The following NRG1 variants were observed in gnomAD, a reference collection of about 807,000 sequenced individuals.
NRG1 encodes pro-neuregulin-1, membrane-bound isoform.
In NRG1, 18 loss-of-function variants were observed where a neutral mutation model predicts 63.8. The observed-to-expected ratio is 0.28, with a 90% confidence interval of 0.19 to 0.42. The LOEUF (loss-of-function observed/expected upper bound fraction) is 0.42, where lower values mean the gene tolerates loss of function less well. Among genes scored for constraint, NRG1 ranks in the 10% least tolerant of loss-of-function variants. NRG1 has a pLI of 1.00. For missense variants in NRG1, 762 were observed against 814.7 expected (o/e 0.94, Z 0.79); for synonymous variants, 302 against 301.3 (o/e 1.00, Z -0.02).
At chr8:32,688,130 A>C (rs1443699790) in intron 5 of NRG1, among the ~76,000 whole-genome samples, 2 of 152,244 alleles carry the variant, frequency 1.3e-5, no homozygotes, top group East Asian at 3.8e-4. Flanking sequence ...GATGGTATAC[A>C]GAAAGGAAAA....
chr8:32,198,483 G>T (rs931630303), intron 1 of NRG1, among the ~76,000 whole-genome samples: 3 of 152,152 alleles, frequency 2.0e-5, no homozygotes, highest in Non-Finnish European at 4.4e-5. Context: ...TGGCCCAAGG[G>T]CATTGTTTTC....
At chr8:32,099,390 C>G (rs1245784954) in intron 1 of NRG1, 1 of 152,490 alleles carries the variant, frequency 6.6e-6, no homozygotes, top group East Asian at 1.9e-4. Flanking sequence ...CTCCTTTTCT[C>G]TAATTAGGAC....
chr8:32,091,702 A>G (rs1410201689), intron 1 of NRG1, among the ~76,000 whole-genome samples: 2 of 152,256 alleles, frequency 1.3e-5, no homozygotes, highest in Middle Eastern at 3.4e-3. Context: ...CAACTGATAG[A>G]GGATGGAAAC....
At chr8:31,819,202 T>G (rs1416442849) in intron 1 of NRG1, among the ~76,000 whole-genome samples, 2 of 121,468 alleles carry the variant, frequency 1.6e-5, no homozygotes, top group African/African-American at 5.4e-5. Flanking sequence ...TTGTGCTACT[T>G]ACACTCCAGC....
intron 1 of NRG1, among the ~76,000 whole-genome samples, chr8:31,691,664 A>G (rs2131131662): frequency 6.6e-6 from 1 of 151,866 alleles, no homozygotes; most frequent in Admixed American, 6.5e-5. Context: ...GTTTATAAAA[A>G]TAACCGTTAA....
At chr8:31,881,347 A>T (rs968482212) in intron 1 of NRG1, among the ~76,000 whole-genome samples, 1 of 152,150 alleles carries the variant, frequency 6.6e-6, no homozygotes, top group African/African-American at 2.4e-5. Context: ...AGCACAACAA[A>T]CCATGCCCAT....
intron 1 of NRG1, among the ~76,000 whole-genome samples, chr8:31,918,336 G>T (rs537934419): frequency 7.2e-4 from 110 of 152,284 alleles, no homozygotes; most frequent in African/African-American, 2.4e-3. Context: ...TTGGCTGTGG[G>T]TTTGTCATAG....
chr8:32,261,711 G>T (rs1249628077), intron 1 of NRG1, among the ~76,000 whole-genome samples: 1 of 152,068 alleles, frequency 6.6e-6, no homozygotes, highest in South Asian at 2.1e-4. Context: ...GGCCAGAAAA[G>T]ATTACCTTAG....
At chr8:31,877,163 G>A (rs1829993247) in intron 1 of NRG1, among the ~76,000 whole-genome samples, 1 of 151,996 alleles carries the variant, frequency 6.6e-6, no homozygotes, top group African/African-American at 2.4e-5. Context: ...TATTTATTTT[G>A]GAATAAGAAG....
At chr8:32,573,873 A>G (rs1045062094) in intron 1 of NRG1, among the ~76,000 whole-genome samples, 12 of 152,122 alleles carry the variant, frequency 7.9e-5, no homozygotes, top group African/African-American at 2.7e-4. Flanking sequence ...TCATTGTTCA[A>G]TTCCCACCTA....
intron 1 of NRG1, among the ~76,000 whole-genome samples, chr8:32,031,896 A>C (rs977743763): frequency 6.6e-6 from 1 of 152,100 alleles, no homozygotes; most frequent in African/African-American, 2.4e-5. Flanking sequence ...TGTCTTTGCT[A>C]TCGTGACTAG....
chr8:32,377,457 A>G (rs1285867514), intron 1 of NRG1, among the ~76,000 whole-genome samples: 2 of 152,206 alleles, frequency 1.3e-5, no homozygotes, highest in African/African-American at 4.8e-5. Flanking sequence ...CCCCTGTGGG[A>G]CCTTTGGGGA....
intron 1 of NRG1, among the ~76,000 whole-genome samples, chr8:32,183,494 G>A (rs1841648419): frequency 1.3e-5 from 2 of 152,170 alleles, no homozygotes; most frequent in African/African-American, 4.8e-5. Flanking sequence ...AAGTCAAATC[G>A]ATAGTGACAG....
chr8:32,300,807 A>C (rs1855494892), intron 1 of NRG1, among the ~76,000 whole-genome samples: 2 of 152,232 alleles, frequency 1.3e-5, no homozygotes, highest in Admixed American at 6.5e-5. Flanking sequence ...GTTGTTTTCG[A>C]GTCACAGAGA....
intron 1 of NRG1, among the ~76,000 whole-genome samples, chr8:32,540,860 A>G (rs1269636840): frequency 6.6e-6 from 1 of 152,038 alleles, no homozygotes; most frequent in Non-Finnish European, 1.5e-5. Flanking sequence ...GGCAGGAAAA[A>G]CAACATTTTC....
At chr8:31,766,217 C>A (rs1262201896) in intron 1 of NRG1, among the ~76,000 whole-genome samples, 2 of 151,814 alleles carry the variant, frequency 1.3e-5, no homozygotes, top group African/African-American at 4.8e-5. Context: ...ATCTATTAGA[C>A]CTTGAAAGAT....
chr8:32,713,203 A>G (rs1355975736), intron 5 of NRG1, among the ~76,000 whole-genome samples: 4 of 152,116 alleles, frequency 2.6e-5, no homozygotes, highest in African/African-American at 7.2e-5. Flanking sequence ...TGCTGCTATG[A>G]TAGTCCTATA....
intron 1 of NRG1, among the ~76,000 whole-genome samples, chr8:32,238,349 C>A (rs1847779170): frequency 6.6e-6 from 1 of 151,390 alleles, no homozygotes. Flanking sequence ...GTCCCAGCTA[C>A]TTGGGAGGCT....
chr8:32,648,269 G>A, intron 5 of NRG1: 1 of 1,613,958 alleles, frequency 6.2e-7, no homozygotes, highest in Middle Eastern at 1.6e-4. Context: ...TTTCTTTCTT[G>A]CCGTCCACTG....
Sources: allele counts gnomAD v4.1 joint callset (sites outside exome capture counted in the v4.1 genomes callset), GRCh38; gene constraint gnomAD v4.1.1; transcripts MANE v1.5; gene names NCBI Gene and HGNC (gene_info 2026-07-23, HGNC 2026-07-21).